UVRAG: variants seen among roughly 807,000 people sequenced by gnomAD.
The protein encoded by UVRAG is UV radiation resistance associated, also known as UV radiation resistance-associated gene protein.
UVRAG carries 19 observed loss-of-function variants against 78.0 expected under a neutral mutation model. The ratio of observed to expected loss-of-function variants is 0.24; its 90% CI spans 0.17 to 0.36. UVRAG has a LOEUF of 0.36. Among genes scored for constraint, UVRAG ranks in the 10% least tolerant of loss-of-function variants. UVRAG has a pLI of 1.00. For missense variants in UVRAG, 740 were observed against 853.8 expected, an observed-to-expected ratio of 0.87 and a Z score of 1.66; for synonymous variants, 323 against 324.6, an observed-to-expected ratio of 1.00 and a Z score of 0.05.
chr11:76,046,146 A>C (rs2134340944), intron 12 of UVRAG, among the ~76,000 whole-genome samples: 1 of 152,358 alleles, frequency 6.6e-6, no homozygotes, highest in African/African-American at 2.4e-5. Context: ...CCTATATTTA[A>C]ATCAAGCTAT....
intron 2 of UVRAG, among the ~76,000 whole-genome samples, chr11:75,855,696 A>G (rs1477554298): frequency 6.6e-6 from 1 of 152,250 alleles, no homozygotes; most frequent in Non-Finnish European, 1.5e-5. Flanking sequence ...TTTAGTGGTA[A>G]CATTTCTTAG....
chr11:75,970,718 G>A (rs1949106640), intron 7 of UVRAG, among the ~76,000 whole-genome samples: 1 of 144,192 alleles, frequency 6.9e-6, no homozygotes, highest in East Asian at 2.0e-4. Context: ...GGGCAACAGA[G>A]CGAGACTCCA....
At chr11:76,078,412 AAAT>A (rs1473251591) in intron 13 of UVRAG, among the ~76,000 whole-genome samples, 2 of 150,066 alleles carry the variant, frequency 1.3e-5, no homozygotes, top group East Asian at 1.9e-4. Flanking sequence ...TCTGTATTTA[AAAT>A]AATAACTTTG....
rs149503764 is a variant in UVRAG at position 75,860,433 on chromosome 11, A to G, written c.236-1313A>G. On this transcript the variant is annotated intron_variant, in intron 2 of 14. Coordinates refer to ENST00000356136, the MANE Select transcript of UVRAG (RefSeq NM_003369.4). ...AACAGTAATATATACTTTAATTCAAACAACACAAGAATATATACAGTATTA... is the reference window on the plus strand; with the variant it reads ...AACAGTAATATATACTTTAATTCAAGCAACACAAGAATATATACAGTATTA... Among the ~76,000 whole-genome samples, 429 of 152,372 alleles carry G rather than the reference A, an allele frequency of 2.8e-3. 2 individuals carry two copies. The highest frequency in any genetic ancestry group is 1.0e-2 in the African/African-American group (415 of 41,596).
chr11:75,892,256 A>G (rs1404187738), intron 5 of UVRAG: 2 of 847,222 alleles, frequency 2.4e-6, no homozygotes, highest in Non-Finnish European at 2.8e-6. Context: ...AAGCCCAGCC[A>G]TCAGATCAGT....
chr11:76,008,860 C>A lies in UVRAG; in HGVS notation c.1053C>A (p.Asp351Glu). 1 of 1,461,374 alleles carries A rather than the reference C, an allele frequency of 6.8e-7. No individual in the cohort carries two copies. The highest frequency in any genetic ancestry group is 9.3e-7 in the Non-Finnish European group (1 of 1,080,238). The allele number at this position is 1,461,374 out of a possible 1,614,324, so 90.5% of individuals were successfully genotyped here. A position where few individuals can be genotyped will look rare whatever the true frequency, so the allele number is the denominator to read the frequency against. Reference protein sequence around the residue: ...VCGVKLPNSEDFQAKDDGSIA... With the variant: ...VCGVKLPNSEEFQAKDDGSIA... ...GTGTCAAGTTGCCTAATTCTGAGGACTTCCAAGGTATTTTATTTTTTATTT... is the reference window on the plus strand; with the variant it reads ...GTGTCAAGTTGCCTAATTCTGAGGAATTCCAAGGTATTTTATTTTTTATTT... Residue 351 changes from aspartate (D) to glutamate (E), a missense_variant, in exon 11 of 15, where the codon GAC becomes GAA. Physicochemically the swap from Asp to Glu is conservative, Grantham distance 45 (BLOSUM62 2). Coordinates refer to ENST00000356136, the MANE Select transcript of UVRAG (RefSeq NM_003369.4).
At chr11:75,988,104 T>A (rs538471020) in intron 8 of UVRAG, among the ~76,000 whole-genome samples, 8 of 152,372 alleles carry the variant, frequency 5.3e-5, no homozygotes, top group Admixed American at 2.0e-4. Flanking sequence ...TTGTTTTTTT[T>A]ATTTTCTTAA....
At chr11:75,896,249 G>C (rs1947342741) in intron 5 of UVRAG, among the ~76,000 whole-genome samples, 2 of 152,156 alleles carry the variant, frequency 1.3e-5, no homozygotes, top group South Asian at 4.1e-4. Flanking sequence ...GATTTCTACA[G>C]GGGTTTTCTA....
chr11:75,865,855 T>C (rs1198799001), intron 3 of UVRAG, among the ~76,000 whole-genome samples: 2 of 152,174 alleles, frequency 1.3e-5, no homozygotes, highest in African/African-American at 2.4e-5. Context: ...TCTCCGGTGA[T>C]CTGCCCACCT....
chr11:75,828,963 C>T (rs1252681187), intron 1 of UVRAG, among the ~76,000 whole-genome samples: 7 of 151,770 alleles, frequency 4.6e-5, no homozygotes, highest in African/African-American at 9.7e-5. Context: ...TCAAGCAATC[C>T]GCCCACCTTG....
intron 1 of UVRAG, among the ~76,000 whole-genome samples, chr11:75,844,267 G>A (rs1006866976): frequency 3.3e-5 from 5 of 150,720 alleles, no homozygotes; most frequent in South Asian, 4.2e-4. Context: ...TCACTCTGTC[G>A]CCCAGGCTGG....
chr11:75,851,939 C>A lies in UVRAG; in HGVS notation c.174C>A (p.Gly58=), dbSNP rs372783212. The change falls in exon 2 of 15, where the codon GGC becomes GGA. Residue 58 remains glycine, a synonymous_variant. Coordinates refer to ENST00000356136, the MANE Select transcript of UVRAG (RefSeq NM_003369.4). ...IAARNIVNRN[G]HQLLDTYFTL... ...CCCGGAACATTGTTAATAGAAATGG[C>A]CATCAGCTCCTTGATACCTACTTTA... is the stretch of plus-strand genomic sequence containing the variant. The A allele has an allele frequency of 3.1e-6, 5 of 1,613,874 alleles. No homozygotes were observed. The highest frequency in any genetic ancestry group is 3.4e-6 in the Non-Finnish European group (4 of 1,179,966).
intron 5 of UVRAG, among the ~76,000 whole-genome samples, chr11:75,908,955 C>G (rs1000683244): frequency 1.3e-5 from 2 of 151,872 alleles, no homozygotes; most frequent in East Asian, 1.9e-4. Flanking sequence ...CTTTTATAAG[C>G]CTTCTTATTT....
At chr11:75,937,883 C>T (rs1948404516) in intron 6 of UVRAG, among the ~76,000 whole-genome samples, 1 of 152,074 alleles carries the variant, frequency 6.6e-6, no homozygotes, top group Non-Finnish European at 1.5e-5. Context: ...GTATATTGGG[C>T]CTCAGAAGTT....
At chr11:75,895,149 A>C (rs1052298930) in intron 5 of UVRAG, among the ~76,000 whole-genome samples, 34 of 152,248 alleles carry the variant, frequency 2.2e-4, no homozygotes, top group African/African-American at 7.7e-4. Context: ...ATTTTAAAGC[A>C]GCTTTCAATA....
chr11:75,892,398 G>A lies in UVRAG; in HGVS notation c.507+3495G>A, dbSNP rs1003830922. ...GTGGGAACATGGGAATGCAGAGTAAGTGTTTCCCTCTAACGGGAATAATAG... is the reference window on the plus strand; with the variant it reads ...GTGGGAACATGGGAATGCAGAGTAAATGTTTCCCTCTAACGGGAATAATAG... On this transcript the variant is annotated intron_variant, in intron 5 of 14. Coordinates refer to ENST00000356136, the MANE Select transcript of UVRAG (RefSeq NM_003369.4). 4.9e-5 allele frequency: 48 copies of A among 985,366 alleles called. No individual in the cohort carries two copies. In the East Asian group the frequency reaches 4.9e-3, roughly 100 times the overall value. 61.0% of individuals were successfully genotyped at this position (985,366 alleles called of 1,614,324 possible).
chr11:75,815,430 G>C lies in UVRAG; in HGVS notation c.23G>C (p.Gly8Ala). 1.6e-6 allele frequency: 2 copies of C among 1,248,702 alleles called. No individual in the cohort carries two copies. The highest frequency in any genetic ancestry group is 1.0e-6 in the Non-Finnish European group (1 of 995,694). 77.4% of individuals were successfully genotyped at this position (1,248,702 alleles called of 1,614,324 possible). ...GAGATGAGCGCCTCCGCGTCGGTCG[G>C]GGGCCCCGTCCCCCAGCCACCCCCG... MSASASV[G>A]GPVPQPPPGP... Residue 8 changes from glycine to alanine, a missense_variant, in exon 1 of 15, where the codon GGG (glycine) becomes GCG (alanine). Physicochemically the swap from Gly to Ala is moderately conservative, Grantham distance 60. Transcript: ENST00000356136.
rs151285306 is a variant in UVRAG at position 76,087,408 on chromosome 11, T to C, written c.1305+21620T>C. On this transcript the variant is annotated intron_variant, in intron 13 of 14. Transcript: ENST00000356136. ...TAATTAGGACTCTGCACGCTTCATG[T>C]CCTCAGTGAATACTTATTGACTGCA... is the stretch of plus-strand genomic sequence containing the variant. Among the ~76,000 whole-genome samples, 1,126 of 152,310 alleles carry C rather than the reference T, an allele frequency of 7.4e-3. 7 individuals carry two copies. The highest frequency in any genetic ancestry group is 1.0e-2 in the Non-Finnish European group (677 of 68,032).
chr11:76,072,555 G>T (rs894547046), intron 13 of UVRAG, among the ~76,000 whole-genome samples: 16 of 152,118 alleles, frequency 1.1e-4, no homozygotes, highest in African/African-American at 2.7e-4. Context: ...CAGGGAAAAA[G>T]TCCAGCTCAT....
Sources: gnomAD v4.1 joint callset for allele counts (sites outside exome capture counted in the v4.1 genomes callset) on GRCh38, gnomAD v4.1.1 for gene constraint, MANE v1.5 for transcripts, NCBI Gene and HGNC (gene_info 2026-07-23, HGNC 2026-07-21) for gene names.